Variants in NBPF14 observed in about 807,000 individuals in gnomAD.
The protein encoded by NBPF14 is NBPF family member NBPF14.
Under a neutral mutation model 91.2 loss-of-function variants are expected in NBPF14, and 104 were observed. The observed-to-expected ratio is 1.14, with a 90% CI of 0.97 to 1.34. The LOEUF is 1.34. Among genes scored for constraint, NBPF14 ranks in the 40% most tolerant of loss-of-function variants. NBPF14 has a pLI of 0.00. For synonymous variants in NBPF14, 294 were observed against 303.8 expected, an observed-to-expected ratio of 0.97 and a Z score of 0.34; for missense variants, 908 against 783.0, an observed-to-expected ratio of 1.16 and a Z score of -1.91.
At chr1:148,535,432 T>C (rs1654959042) in intron 68 of NBPF14, 21 bp downstream of exon 68, 3 of 492,026 alleles carry the variant, frequency 6.1e-6, no homozygotes, top group Non-Finnish European at 1.0e-5. Context: ...GAATTAAGCA[T>C]CCATAATTGC....
intron 8 of NBPF14, among the ~76,000 whole-genome samples, chr1:148,586,909 G>A (rs1335855666): frequency 0.015 from 2,113 of 142,960 alleles, 66 homozygotes; most frequent in African/African-American, 0.052. Flanking sequence ...CAGGGTCGAG[G>A]AGGCAACATT....
At chr1:148,576,080 A>G (rs1480801675) in intron 16 of NBPF14, among the ~76,000 whole-genome samples, 1 of 144,036 alleles carries the variant, frequency 6.9e-6, no homozygotes, top group South Asian at 2.2e-4. Context: ...AAGGGGTTAA[A>G]GGACACTCTG....
rs1227335215 is a variant in NBPF14 at position 148,569,612 on chromosome 1, A to T, written c.3093-185T>A. Among the ~76,000 whole-genome samples, 5 of 34,738 alleles carry T rather than the reference A, an allele frequency of 1.4e-4. No individual in the cohort carries two copies. The East Asian group carries it at 4.4e-3, about 30-fold the overall frequency. 22.8% of individuals were successfully genotyped at this position (34,738 alleles called of 152,430 possible). ...GGCCAGATAGAAAACAATGAAAGAG[A>T]GAGACAGACAGAGACAGAGACAGAG... On this transcript the variant is annotated intron_variant, in intron 24 of 70. Coordinates refer to ENST00000619423, the Ensembl canonical transcript of NBPF14.
exon 15 of NBPF14, chr1:148,577,318 C>T: frequency 4.8e-6 from 3 of 623,190 alleles, no homozygotes; most frequent in Non-Finnish European, 5.7e-6. Context: ...TCCTGCAAGA[C>T]TTCAGGCCCT....
intron 40 of NBPF14, among the ~76,000 whole-genome samples, chr1:148,557,238 A>C (rs1186560675): frequency 2.2e-5 from 2 of 91,892 alleles, no homozygotes; most frequent in African/African-American, 1.3e-4. Flanking sequence ...AATGTGCTCA[A>C]GTTTCCATGC....
At chr1:148,585,681 T>C (rs1246426403) in intron 9 of NBPF14, among the ~76,000 whole-genome samples, 19 of 149,070 alleles carry the variant, frequency 1.3e-4, no homozygotes, top group Non-Finnish European at 2.4e-4. Flanking sequence ...ATTCTATCCA[T>C]GGGGAGTGCT....
intron 16 of NBPF14, 129 bp from the exon 17 acceptor site, chr1:148,575,940 G>A (rs1246343368): frequency 8.8e-5 from 42 of 474,628 alleles, no homozygotes; most frequent in South Asian, 2.3e-4. Flanking sequence ...ATGAGGTAAT[G>A]AATTATTGCC....
chr1:148,559,168 T>A (rs1171332282), intron 37 of NBPF14, 96 bp from the exon 38 acceptor site: 3 of 581,358 alleles, frequency 5.2e-6, no homozygotes, highest in African/African-American at 6.5e-5. Flanking sequence ...GACTTCAGGC[T>A]CCTCAGCATG....
At chr1:148,557,792 C>T (rs1327963871) in intron 39 of NBPF14, among the ~76,000 whole-genome samples, 1 of 114,480 alleles carries the variant, frequency 8.7e-6, no homozygotes, top group Non-Finnish European at 1.7e-5. Context: ...TTTGTGCAAA[C>T]AGTTATGCTT....
rs1417470133 is a variant in NBPF14, at chr1:148,539,287, G to A, written c.7882+123C>T. The A allele has an allele frequency of 3.1e-5, 20 of 635,154 alleles. 5 individuals carry two copies. The highest frequency in any genetic ancestry group is 1.4e-4 in the African/African-American group (5 of 36,152). The allele number at this position is 635,154 out of a possible 1,614,324, so 39.3% of individuals were successfully genotyped here. On this transcript the variant is annotated intron_variant, in intron 63 of 70. Coordinates refer to ENST00000619423, the Ensembl canonical transcript of NBPF14. ...TACAGTTTCTTTACAACCTATATGC[G>A]CCCATAGGTCCTGACTGCGGCAATG...
chr1:148,559,850 T>G lies in NBPF14; in HGVS notation c.4672A>C (p.Arg1558=), dbSNP rs1312126048. ...TGCTCCAATATGTAAAAGGCACTTC[T>G]ATAGGGCTGGCATGAGTCAGTCAGT... Residue 1558 remains arginine (R), a synonymous_variant, in exon 37 of 71, where the codon AGA becomes CGA. Transcript: ENST00000619423. 83 of 1,524,098 alleles carry G rather than the reference T, an allele frequency of 5.4e-5. 4 individuals carry two copies. The highest frequency in any genetic ancestry group is 6.5e-5 in the Non-Finnish European group (74 of 1,137,710). The allele number at this position is 1,524,098 out of a possible 1,614,324, so 94.4% of individuals were successfully genotyped here.
intron 9 of NBPF14, among the ~76,000 whole-genome samples, chr1:148,585,685 G>T (rs1400363028): frequency 6.7e-5 from 10 of 148,824 alleles, no homozygotes; most frequent in Non-Finnish European, 1.3e-4. Context: ...TATCCATGGG[G>T]AGTGCTCCAG....
chr1:148,559,686 C>A (rs1397163842), intron 37 of NBPF14, 107 bp downstream of exon 37: 2 of 678,906 alleles, frequency 2.9e-6, no homozygotes, highest in East Asian at 5.9e-5. Context: ...TAGGTCCTCC[C>A]TGTGGCAATG....
intron 70 of NBPF14, 144 bp downstream of exon 70, chr1:148,533,717 A>C (rs1553331694): frequency 1.4e-6 from 1 of 717,616 alleles, no homozygotes; most frequent in South Asian, 1.6e-5. Context: ...CTAAACATCT[A>C]CTGCAATGAA....
intron 13 of NBPF14, among the ~76,000 whole-genome samples, chr1:148,578,854 T>G (rs1490676289): frequency 3.6e-5 from 5 of 137,224 alleles, no homozygotes; most frequent in East Asian, 4.0e-4. Context: ...CAGGTTGGCA[T>G]GGGCATGGCC....
Position 148,579,095 on chromosome 1 carries a change from A to T in NBPF14, c.1780T>A (p.Cys594Ser), listed in dbSNP as rs1359348782. The change falls in exon 13 of 71, where the codon TGC becomes AGC. Residue 594 changes from cysteine (C) to serine (S), a missense_variant. Around this residue, in one of 13 missense-constraint regions of NBPF14, gnomAD observed 447 missense variants for 189.1 expected, o/e 2.36. Coordinates refer to ENST00000619423, the Ensembl canonical transcript of NBPF14. ...TCACTGCCTATGTCAACAGCCATGC[A>T]GACTTGCTGTTCCTCTAATGAGTGA... 5.6e-5 allele frequency: 29 copies of T among 513,786 alleles called. No individual in the cohort carries two copies. In the Admixed American group the frequency reaches 9.8e-4, roughly 17 times the overall value. The allele number at this position is 513,786 out of a possible 1,614,324, so 31.8% of individuals were successfully genotyped here.
At chr1:148,572,581 C>T in exon 21 of NBPF14, 1 of 639,332 alleles carries the variant, frequency 1.6e-6, no homozygotes, top group Non-Finnish European at 2.8e-6. Flanking sequence ...TGCAAGACTT[C>T]AGGCTCTTTC....
chr1:148,577,641 G>A (rs1204264112), intron 14 of NBPF14, among the ~76,000 whole-genome samples: 2 of 148,828 alleles, frequency 1.3e-5, no homozygotes, highest in Non-Finnish European at 3.0e-5. Context: ...GGAGTCAAAG[G>A]ACACTCTGTA....
chr1:148,575,963 T>C (rs1352507141), intron 16 of NBPF14, among the ~76,000 whole-genome samples, 152 bp from the exon 17 acceptor site: 1 of 132,826 alleles, frequency 7.5e-6, no homozygotes, highest in African/African-American at 3.0e-5. Context: ...TATGTTGGGA[T>C]AGACCAGGGC....
Sources: allele counts gnomAD v4.1 joint callset (sites outside exome capture counted in the v4.1 genomes callset), GRCh38; gene constraint gnomAD v4.1.1; regional missense constraint gnomAD v4.1.1; transcripts MANE v1.5; gene names NCBI Gene and HGNC (gene_info 2026-07-23, HGNC 2026-07-21).